ARHGEF7: variants seen among roughly 807,000 people sequenced by gnomAD.
ARHGEF7 encodes PAK-interacting exchange factor beta.
In ARHGEF7, 33 loss-of-function variants were observed where a neutral mutation model predicts 109.8. The observed-to-expected ratio is 0.30, with a 90% CI of 0.23 to 0.40. ARHGEF7 has a LOEUF of 0.40. ARHGEF7 is among the 10% of genes least tolerant of loss of function. The pLI is 1.00. For missense variants in ARHGEF7, 938 were observed against 1,098.5 expected (o/e 0.85, Z 2.07); for synonymous variants, 458 against 424.6 (o/e 1.08, Z -0.97).
chr13:111,181,642 G>C (rs1188877333), intron 2 of ARHGEF7, among the ~76,000 whole-genome samples: 1 of 152,194 alleles, frequency 6.6e-6, no homozygotes, highest in Non-Finnish European at 1.5e-5. Context: ...CTTGCCCTGA[G>C]GGAGTATAGA....
intron 5 of ARHGEF7, among the ~76,000 whole-genome samples, chr13:111,223,627 G>A (rs1010078143): frequency 5.3e-5 from 8 of 152,128 alleles, no homozygotes; most frequent in Non-Finnish European, 1.0e-4. Context: ...CCGTTGTGTT[G>A]GTGCTTTTAA....
In ARHGEF7 at chr13:111,153,925, C is replaced by G. The variant is rs1435606048; in HGVS notation, c.186C>G (p.Ser62Arg). Residue 62 changes from serine (S) to arginine (R), a missense_variant, in exon 2 of 22, where the codon AGC becomes AGG. This residue lies in a region of ARHGEF7 where 165 missense variants were observed against 125.8 expected (regional missense o/e 1.31). Coordinates refer to ENST00000646102, the MANE Select transcript of ARHGEF7 (RefSeq NM_001354046.2). The stretch of plus-strand genomic sequence containing the variant: ...TGCAGGTCTACCCCGAGCCCCGGAG[C>G]GAGAGCGAGTGCCTGAGCAACATCC... Reference protein sequence around the residue: ...TIEKVYPEPRSESECLSNIRE... With the variant: ...TIEKVYPEPRRESECLSNIRE... The G allele has an allele frequency of 6.2e-7, 1 of 1,605,302 alleles. No individual in the cohort carries two copies. The highest frequency in any genetic ancestry group is 1.1e-5 in the South Asian group (1 of 90,446).
chr13:111,150,332 A>G (rs2075826395), intron 1 of ARHGEF7, among the ~76,000 whole-genome samples: 3 of 152,158 alleles, frequency 2.0e-5, no homozygotes, highest in Admixed American at 2.0e-4. Flanking sequence ...GAGAAGGACA[A>G]TTCTTGGAGT....
At chr13:111,205,655 G>A (rs574423820) in intron 3 of ARHGEF7, among the ~76,000 whole-genome samples, 14 of 152,248 alleles carry the variant, frequency 9.2e-5, no homozygotes, top group African/African-American at 3.4e-4. Flanking sequence ...GTTCTTATGG[G>A]AAGGCTCATG....
chr13:111,243,533 C>T (rs138381239), intron 6 of ARHGEF7, among the ~76,000 whole-genome samples: 9 of 152,304 alleles, frequency 5.9e-5, no homozygotes, highest in Middle Eastern at 3.4e-3. Context: ...CACACAGTGT[C>T]GTAGAGATTG....
chr13:111,241,145 A>G, intron 6 of ARHGEF7: 1 of 1,531,256 alleles, frequency 6.5e-7, no homozygotes, highest in East Asian at 2.4e-5. Context: ...GGAAGCTGGC[A>G]CTGGCTGAGC....
At chr13:111,126,202 G>T (rs994646471) in intron 1 of ARHGEF7, among the ~76,000 whole-genome samples, 7 of 152,286 alleles carry the variant, frequency 4.6e-5, no homozygotes, top group African/African-American at 1.7e-4. Context: ...TTGAAAATAG[G>T]CTTTAAGGCT....
In ARHGEF7 at chr13:111,195,368, G is replaced by A. The variant is rs531967654; in HGVS notation, c.253-9921G>A. Among the ~76,000 whole-genome samples the A allele has an allele frequency of 5.1e-4, 78 of 152,300 alleles. No individual in the cohort carries two copies. In the Middle Eastern group the frequency reaches 0.017, roughly 33 times the overall value. On this transcript the variant is annotated intron_variant, in intron 2 of 21. Coordinates refer to ENST00000646102, the MANE Select transcript of ARHGEF7 (RefSeq NM_001354046.2). ...GGTGTGGGACTTTCAGGCATAACAA[G>A]AAAGGCAAGTGAAAAGAGCAAAGTC... is the stretch of plus-strand genomic sequence containing the variant.
intron 5 of ARHGEF7, among the ~76,000 whole-genome samples, chr13:111,222,296 CATATTAG>C (rs1228028585): frequency 5.9e-5 from 9 of 152,214 alleles, no homozygotes; most frequent in Admixed American, 5.9e-4. Context: ...CATTTTTGAG[CATATTAG>C]TGATGCATTT....
chr13:111,220,818 C>T (rs958052054), intron 5 of ARHGEF7, among the ~76,000 whole-genome samples: 2 of 151,904 alleles, frequency 1.3e-5, no homozygotes, highest in African/African-American at 4.8e-5. Context: ...AGCGTGTGTG[C>T]GTGCCCGGTT....
At position 111,126,359 on chromosome 13, in the gene ARHGEF7, G is replaced by A. The variant is rs146291889; in HGVS notation, c.165+10668G>A. Among the ~76,000 whole-genome samples, 1,174 of 152,158 alleles carry A rather than the reference G, an allele frequency of 7.7e-3. 10 individuals are homozygous for A. Among genetic ancestry groups the A allele is most frequent in the Non-Finnish European group, 0.013 (887 of 68,010 alleles). ...ACAAAAATTAGCTGGGCATGATGGC[G>A]GGTGCCTGTAATCCCAGCTACTTGG... On this transcript the variant is annotated intron_variant, in intron 1 of 21. Coordinates refer to ENST00000646102, the MANE Select transcript of ARHGEF7 (RefSeq NM_001354046.2).
At chr13:111,159,417 G>C (rs1228442351) in intron 2 of ARHGEF7, among the ~76,000 whole-genome samples, 2 of 152,154 alleles carry the variant, frequency 1.3e-5, no homozygotes, top group Non-Finnish European at 2.9e-5. Flanking sequence ...GGGATTGCTG[G>C]ATCATATGAT....
intron 1 of ARHGEF7, chr13:111,144,346 TTAG>T (rs904257233): frequency 1.3e-5 from 2 of 152,278 alleles, no homozygotes; most frequent in African/African-American, 4.8e-5. Flanking sequence ...AACGACTTGC[TTAG>T]TATGCTGAAG....
rs1335918556 is a variant in ARHGEF7, at chr13:111,305,257, C to G, written c.*2144C>G. 1 of 152,220 alleles carries G rather than the reference C, an allele frequency of 6.6e-6. No individual in the cohort carries two copies. Among genetic ancestry groups the G allele is most frequent in the African/African-American group, 2.4e-5 (1 of 41,446 alleles). The allele number at this position is 152,220 out of a possible 1,614,324, so 9.4% of individuals were successfully genotyped here. The stretch of plus-strand genomic sequence containing the variant: ...GCAGGAAAAATGCGTCTGAGAGCAA[C>G]TCTTTTTAAAAACCTGCCCTGTTGT... On this transcript the variant is annotated 3_prime_UTR_variant, in exon 22 of 22. Coordinates refer to ENST00000646102, the MANE Select transcript of ARHGEF7 (RefSeq NM_001354046.2).
chr13:111,293,416 T>A, intron 19 of ARHGEF7: 1 of 981,150 alleles, frequency 1.0e-6, no homozygotes, highest in Non-Finnish European at 1.2e-6. Context: ...ATTACTAGGT[T>A]GCCATGTGGC....
intron 1 of ARHGEF7, among the ~76,000 whole-genome samples, chr13:111,121,942 C>T (rs2067228067): frequency 6.6e-6 from 1 of 152,236 alleles, no homozygotes; most frequent in Admixed American, 6.5e-5. Context: ...CCTCAGTACG[C>T]AGTAGTTACT....
intron 1 of ARHGEF7, among the ~76,000 whole-genome samples, chr13:111,135,958 G>C (rs1012247152): frequency 4.6e-5 from 7 of 152,136 alleles, no homozygotes; most frequent in African/African-American, 1.4e-4. Flanking sequence ...TTATTATTTT[G>C]AGATACGTCC....
At chr13:111,204,624 C>A (rs1189158434) in intron 2 of ARHGEF7, among the ~76,000 whole-genome samples, 5 of 152,156 alleles carry the variant, frequency 3.3e-5, no homozygotes, top group African/African-American at 1.2e-4. Context: ...GAAGTGCCTG[C>A]CAGTGGCAAT....
intron 5 of ARHGEF7, among the ~76,000 whole-genome samples, chr13:111,232,090 C>T (rs190661798): frequency 6.6e-6 from 1 of 152,088 alleles, no homozygotes; most frequent in African/African-American, 2.4e-5. Flanking sequence ...CTGCCCACCC[C>T]CTAGAACTGT....
Sources: allele counts gnomAD v4.1 joint callset (sites outside exome capture counted in the v4.1 genomes callset), GRCh38; gene constraint gnomAD v4.1.1; regional missense constraint gnomAD v4.1.1; transcripts MANE v1.5; gene names NCBI Gene and HGNC (gene_info 2026-07-23, HGNC 2026-07-21).